The following KCTD16 variants were observed in gnomAD, a reference collection of about 807,000 sequenced individuals.
KCTD16 encodes the protein BTB/POZ domain-containing protein KCTD16.
A neutral mutation model predicts 33.2 loss-of-function variants in KCTD16; 13 were observed. The observed-to-expected ratio is 0.39, with a 90% CI of 0.25 to 0.62. The LOEUF (loss-of-function observed/expected upper bound fraction) is 0.62. Among genes scored for constraint, KCTD16 ranks in the 20% least tolerant of loss-of-function variants. KCTD16 has a pLI of 0.50. For missense variants in KCTD16, 441 were observed against 525.1 expected (o/e 0.84, Z 1.57); for synonymous variants, 197 against 195.3 (o/e 1.01, Z -0.07).
At chr5:144,306,960 G>C (rs57006151) in intron 3 of KCTD16, among the ~76,000 whole-genome samples, 180 of 152,256 alleles carry the variant, frequency 1.2e-3, no homozygotes, top group African/African-American at 3.9e-3. Flanking sequence ...CATCTGAACA[G>C]GTAATTGATT....
chr5:144,432,791 T>C (rs1265424396), intron 3 of KCTD16, among the ~76,000 whole-genome samples: 3 of 152,188 alleles, frequency 2.0e-5, no homozygotes, highest in Non-Finnish European at 4.4e-5. Context: ...CTTTCTTTTT[T>C]ATTTACAGCT....
Position 144,475,404 on chromosome 5 carries a change from G to A in KCTD16, c.*1290G>A, listed in dbSNP as rs1754572986. The A allele has an allele frequency of 6.6e-6, 1 of 152,146 alleles. No homozygotes were observed. The highest frequency in any genetic ancestry group is 2.4e-5 in the African/African-American group (1 of 41,424). The allele number at this position is 152,146 out of a possible 1,614,324, so 9.4% of individuals were successfully genotyped here. A position where few individuals can be genotyped will look rare whatever the true frequency, so the allele number is the denominator to read the frequency against. On this transcript the variant is annotated 3_prime_UTR_variant, in exon 4 of 4. Transcript: ENST00000512467. ...AAGGTAACTGAAGCTCCAGAGTTAA[G>A]GTTTCAGATTTCTAAATGAAACTAT...
chr5:144,183,294 A>G (rs1484739618), intron 2 of KCTD16, among the ~76,000 whole-genome samples: 1 of 152,206 alleles, frequency 6.6e-6, no homozygotes, highest in East Asian at 1.9e-4. Context: ...CATGGTCTCA[A>G]AATAAAATAA....
At chr5:144,265,299 A>C (rs1265162711) in intron 3 of KCTD16, among the ~76,000 whole-genome samples, 1 of 152,224 alleles carries the variant, frequency 6.6e-6, no homozygotes, top group African/African-American at 2.4e-5. Context: ...AAACAGCAAA[A>C]ATAACAACTG....
rs1210693319 is a variant in KCTD16, at chr5:144,476,330, C to G, written c.*2216C>G. On this transcript the variant is annotated 3_prime_UTR_variant, in exon 4 of 4. Transcript: ENST00000512467. ...AAATTTCAGACCTGACTGTAATGGC[C>G]TCAAGATAGAGAGATACCCTTATAA... 6.6e-6 allele frequency: 1 copy of G among 152,094 alleles called. No individual in the cohort carries two copies. The highest frequency in any genetic ancestry group is 1.5e-5 in the Non-Finnish European group (1 of 68,016). 9.4% of individuals were successfully genotyped at this position (152,094 alleles called of 1,614,324 possible).
intron 3 of KCTD16, among the ~76,000 whole-genome samples, chr5:144,429,634 A>T (rs1258079609): frequency 6.6e-6 from 1 of 152,120 alleles, no homozygotes; most frequent in Non-Finnish European, 1.5e-5. Flanking sequence ...ATGCAGTACC[A>T]TGATTGACAT....
intron 3 of KCTD16, among the ~76,000 whole-genome samples, chr5:144,261,690 G>A (rs1755016441): frequency 1.3e-5 from 2 of 152,218 alleles, no homozygotes; most frequent in Admixed American, 1.3e-4. Context: ...CAGTTTCACT[G>A]CACATCCGGG....
chr5:144,236,711 A>T (rs772605252), intron 3 of KCTD16, among the ~76,000 whole-genome samples: 2 of 152,132 alleles, frequency 1.3e-5, no homozygotes, highest in Non-Finnish European at 2.9e-5. Flanking sequence ...GGAAAGGAAG[A>T]TCTATGCAAA....
At chr5:144,312,066 G>C (rs1215081782) in intron 3 of KCTD16, among the ~76,000 whole-genome samples, 1 of 152,086 alleles carries the variant, frequency 6.6e-6, no homozygotes, top group Non-Finnish European at 1.5e-5. Flanking sequence ...ATTTATGAAA[G>C]GCCCTGTAGG....
At chr5:144,461,278 C>A (rs1388223565) in intron 3 of KCTD16, among the ~76,000 whole-genome samples, 1 of 152,038 alleles carries the variant, frequency 6.6e-6, no homozygotes, top group African/African-American at 2.4e-5. Flanking sequence ...TTCTACAGGC[C>A]CACAACAATT....
At position 144,402,399 on chromosome 5, in the gene KCTD16, G is replaced by A. The variant is rs187742048; in HGVS notation, c.833-71261G>A. Among the ~76,000 whole-genome samples, 16 of 152,180 alleles carry A rather than the reference G, an allele frequency of 1.1e-4. No individual in the cohort carries two copies. The East Asian group carries it at 3.1e-3, about 30-fold the overall frequency. On this transcript the variant is annotated intron_variant, in intron 3 of 3. Transcript: ENST00000512467. ...TGTGCCACTTTTGCACCCTTCGTAG[G>A]CCAGGCTTTCTGTCCTGTGTCGAGT...
intron 2 of KCTD16, among the ~76,000 whole-genome samples, chr5:144,194,644 A>G (rs1157484110): frequency 6.6e-6 from 1 of 152,228 alleles, no homozygotes; most frequent in Non-Finnish European, 1.5e-5. Context: ...TTTAACATGC[A>G]TTATTTATTT....
chr5:144,357,513 T>C (rs1192486394), intron 3 of KCTD16, among the ~76,000 whole-genome samples: 5 of 152,192 alleles, frequency 3.3e-5, no homozygotes, highest in Admixed American at 6.5e-5. Context: ...CCATCAAAGA[T>C]ATTGAATATG....
chr5:144,188,202 CTGTTAATGTGATCCTTCTATGTGTAT>C (rs1752767593), intron 2 of KCTD16, among the ~76,000 whole-genome samples: 1 of 152,160 alleles, frequency 6.6e-6, no homozygotes, highest in Non-Finnish European at 1.5e-5. Context: ...CTGGATTTTT[CTGTTAATGTGATCCTTCTATGTGTAT>C]TGTCCTTTGG....
At chr5:144,435,598 A>G (rs1284020498) in intron 3 of KCTD16, among the ~76,000 whole-genome samples, 1 of 152,170 alleles carries the variant, frequency 6.6e-6, no homozygotes, top group African/African-American at 2.4e-5. Flanking sequence ...CACATATACT[A>G]TTCTATATTA....
intron 3 of KCTD16, among the ~76,000 whole-genome samples, chr5:144,243,696 G>A (rs1183994063): frequency 6.6e-6 from 1 of 151,988 alleles, no homozygotes; most frequent in Non-Finnish European, 1.5e-5. Context: ...AAATTCAAAG[G>A]TCCAGATGAC....
intron 3 of KCTD16, among the ~76,000 whole-genome samples, chr5:144,412,251 GC>G (rs1752949061): frequency 6.6e-6 from 1 of 152,150 alleles, no homozygotes. Flanking sequence ...ACTCACAATA[GC>G]CAAAATATGG....
intron 3 of KCTD16, among the ~76,000 whole-genome samples, chr5:144,418,395 G>C (rs971406936): frequency 7.2e-5 from 11 of 152,174 alleles, no homozygotes; most frequent in Admixed American, 2.0e-4. Flanking sequence ...AGTGCTGATT[G>C]GTCTGTTTTA....
At chr5:144,372,102 T>A (rs1368832555) in intron 3 of KCTD16, among the ~76,000 whole-genome samples, 1 of 152,148 alleles carries the variant, frequency 6.6e-6, no homozygotes, top group Non-Finnish European at 1.5e-5. Flanking sequence ...ATTCATTCAA[T>A]TGCTGCAGTG....
Sources: gnomAD v4.1 joint callset for allele counts (sites outside exome capture counted in the v4.1 genomes callset) on GRCh38, gnomAD v4.1.1 for gene constraint, MANE v1.5 for transcripts, NCBI Gene and HGNC (gene_info 2026-07-23, HGNC 2026-07-21) for gene names.